FGF7: variants seen among roughly 807,000 people sequenced by gnomAD.
FGF7 encodes the protein fibroblast growth factor 7, also known as FGF-7.
In FGF7, 6 loss-of-function variants were observed where a neutral mutation model predicts 20.5. The ratio of observed to expected loss-of-function variants is 0.29; its 90% CI spans 0.16 to 0.58. The LOEUF (loss-of-function observed/expected upper bound fraction) is 0.58, where lower values mean the gene tolerates loss of function less well. FGF7 is among the 20% of genes least tolerant of loss of function. FGF7 has a pLI of 0.90. For missense variants in FGF7, 144 were observed against 228.8 expected, an observed-to-expected ratio of 0.63 and a Z score of 2.39; for synonymous variants, 64 against 74.7, an observed-to-expected ratio of 0.86 and a Z score of 0.74.
intron 2 of FGF7, among the ~76,000 whole-genome samples, chr15:49,427,643 T>G (rs984876331): frequency 1.3e-5 from 2 of 152,068 alleles, no homozygotes; most frequent in African/African-American, 4.8e-5. Context: ...CATGACTTTT[T>G]TTTGAATGAC....
chr15:49,471,500 A>G (rs1008881021), intron 2 of FGF7, among the ~76,000 whole-genome samples: 2 of 146,136 alleles, frequency 1.4e-5, no homozygotes, highest in African/African-American at 5.0e-5. Context: ...TAATAATAAT[A>G]ATAATAATAA....
chr15:49,474,298 G>C (rs2055048019), intron 2 of FGF7, among the ~76,000 whole-genome samples: 1 of 152,130 alleles, frequency 6.6e-6, no homozygotes, highest in South Asian at 2.1e-4. Flanking sequence ...AAGAAACTAA[G>C]GATAATGGGA....
At chr15:49,462,313 T>C (rs1011129361) in intron 2 of FGF7, among the ~76,000 whole-genome samples, 1 of 152,214 alleles carries the variant, frequency 6.6e-6, no homozygotes, top group African/African-American at 2.4e-5. Flanking sequence ...TCTAAACATG[T>C]ATTTTGCAAG....
At position 49,459,542 on chromosome 15, in the gene FGF7, CT is replaced by C. The variant is rs200997368; in HGVS notation, c.287-23608del. ...TTAAGTGCTTTTCTTTTCCCATCCT[CT>C]ATCTTTATCTTAATTATTTTAAAGT... On this transcript the variant is annotated intron_variant, in intron 2 of 3. Coordinates refer to ENST00000267843, the MANE Select transcript of FGF7 (RefSeq NM_002009.4). Among the ~76,000 whole-genome samples, 1,345 of 152,186 alleles carry C rather than the reference CT, an allele frequency of 8.8e-3. 27 individuals are homozygous for C. The highest frequency in any genetic ancestry group is 0.072 in the South Asian group (345 of 4,820).
At position 49,459,334 on chromosome 15, in the gene FGF7, A is replaced by G. The variant is rs1444251173; in HGVS notation, c.287-23817A>G. On this transcript the variant is annotated intron_variant, in intron 2 of 3. Coordinates refer to ENST00000267843, the MANE Select transcript of FGF7 (RefSeq NM_002009.4). The stretch of plus-strand genomic sequence containing the variant: ...GAGCAGCACACCATGTGATGCCTAC[A>G]ACAAATTCAAAAACTCTCTTAGAAT... Among the ~76,000 whole-genome samples, 11 of 152,350 alleles carry G rather than the reference A, an allele frequency of 7.2e-5. No homozygotes were observed. In the East Asian group the frequency reaches 1.7e-3, roughly 24 times the overall value.
intron 2 of FGF7, among the ~76,000 whole-genome samples, chr15:49,430,432 G>T (rs1184832332): frequency 3.3e-5 from 5 of 151,852 alleles, no homozygotes; most frequent in Non-Finnish European, 7.4e-5. Flanking sequence ...TTCAAAGGCA[G>T]AGGTTTAAGG....
rs146268849 is a variant in FGF7 at position 49,439,277 on chromosome 15, GGA to G, written c.286+14710_286+14711del. ...TTCAGACTGAGCAATGAGAGGGGTA[GGA>G]GAGAGAGAGAGAGAGGGAGGGAGAA... On this transcript the variant is annotated intron_variant, in intron 2 of 3. Coordinates refer to ENST00000267843, the MANE Select transcript of FGF7 (RefSeq NM_002009.4). Among the ~76,000 whole-genome samples the G allele has an allele frequency of 5.4e-4, 80 of 148,982 alleles. No homozygotes were observed. In the South Asian group the frequency reaches 0.011, roughly 20 times the overall value.
chr15:49,461,960 A>C (rs759154217), intron 2 of FGF7, among the ~76,000 whole-genome samples: 24 of 152,190 alleles, frequency 1.6e-4, no homozygotes, highest in Non-Finnish European at 3.1e-4. Flanking sequence ...ACTTGAGGTA[A>C]GGAGTTCGAG....
chr15:49,466,075 G>A (rs2054243694), intron 2 of FGF7, among the ~76,000 whole-genome samples: 2 of 152,176 alleles, frequency 1.3e-5, no homozygotes. Flanking sequence ...ACAGCAGTAT[G>A]TTCTTAAAGT....
chr15:49,468,564 T>TA (rs2151955050), intron 2 of FGF7, among the ~76,000 whole-genome samples: 1 of 152,326 alleles, frequency 6.6e-6, no homozygotes, highest in Non-Finnish European at 1.5e-5. Context: ...TGTGTTTTTT[T>TA]ACAATAGTGG....
intron 2 of FGF7, among the ~76,000 whole-genome samples, chr15:49,479,597 CTGTTTTTTTTTTTT>C (rs2055710794): frequency 2.0e-5 from 2 of 102,086 alleles, no homozygotes; most frequent in South Asian, 6.3e-4. Context: ...GTTAATACCT[CTGTTTTTTTTTTTT>C]TTTTTTTTTT....
At chr15:49,425,354 T>G (rs936053943) in intron 2 of FGF7, 1 of 152,016 alleles carries the variant, frequency 6.6e-6, no homozygotes, top group Non-Finnish European at 1.5e-5. Flanking sequence ...TCTTCTTATG[T>G]TAAAATATCA....
chr15:49,449,215 T>C (rs2151875561), intron 2 of FGF7, among the ~76,000 whole-genome samples: 2 of 152,120 alleles, frequency 1.3e-5, no homozygotes, highest in South Asian at 4.1e-4. Context: ...TCCACCTGCA[T>C]AGGCTCATAT....
At chr15:49,454,354 T>C (rs1275785997) in intron 2 of FGF7, among the ~76,000 whole-genome samples, 1 of 152,128 alleles carries the variant, frequency 6.6e-6, no homozygotes, top group Non-Finnish European at 1.5e-5. Flanking sequence ...ACATCATTTA[T>C]AAAGTAAAGG....
At position 49,476,023 on chromosome 15, in the gene FGF7, T is replaced by A. The variant is rs561262201; in HGVS notation, c.287-7128T>A. 4.6e-5 allele frequency among the ~76,000 whole-genome samples: 7 copies of A among 152,316 alleles called. No homozygotes were observed. In the East Asian group the frequency reaches 1.2e-3, roughly 25 times the overall value. On this transcript the variant is annotated intron_variant, in intron 2 of 3. Coordinates refer to ENST00000267843, the MANE Select transcript of FGF7 (RefSeq NM_002009.4). ...AGCTCTAGTTTCAATCTTCTGAACATGACTTTTGAATCTTTGCTTCCATGG... is the reference window on the plus strand; with the variant it reads ...AGCTCTAGTTTCAATCTTCTGAACAAGACTTTTGAATCTTTGCTTCCATGG...
At chr15:49,472,565 A>G (rs556961313) in intron 2 of FGF7, among the ~76,000 whole-genome samples, 24 of 152,292 alleles carry the variant, frequency 1.6e-4, no homozygotes, top group African/African-American at 5.8e-4. Context: ...ATTGCTATGG[A>G]AAAAGGAGAG....
At chr15:49,466,684 G>A (rs1189155787) in intron 2 of FGF7, among the ~76,000 whole-genome samples, 1 of 152,136 alleles carries the variant, frequency 6.6e-6, no homozygotes, top group Non-Finnish European at 1.5e-5. Flanking sequence ...TGAAGGCCTG[G>A]ACTAATGTGA....
rs147424812 is a variant in FGF7 at position 49,477,412 on chromosome 15, A to G, written c.287-5739A>G. 2.4e-3 allele frequency among the ~76,000 whole-genome samples: 372 copies of G among 152,306 alleles called. 2 individuals carry two copies. Among genetic ancestry groups the G allele is most frequent in the African/African-American group, 8.6e-3 (358 of 41,572 alleles). On this transcript the variant is annotated intron_variant, in intron 2 of 3. Coordinates refer to ENST00000267843, the MANE Select transcript of FGF7 (RefSeq NM_002009.4). The stretch of plus-strand genomic sequence containing the variant: ...AAAGTTTTGCCTTTGCCAGAATGTC[A>G]TATGGCTGGAATCATACAGTATGTG...
At chr15:49,474,313 T>C (rs2055048598) in intron 2 of FGF7, among the ~76,000 whole-genome samples, 1 of 152,200 alleles carries the variant, frequency 6.6e-6, no homozygotes, top group African/African-American at 2.4e-5. Context: ...ATGGGAAGCA[T>C]GATCAATGTC....
Sources: allele counts gnomAD v4.1 joint callset (sites outside exome capture counted in the v4.1 genomes callset), GRCh38; gene constraint gnomAD v4.1.1; transcripts MANE v1.5; gene names NCBI Gene and HGNC (gene_info 2026-07-23, HGNC 2026-07-21).